The following ALK variants were observed in gnomAD, a reference collection of about 807,000 sequenced individuals.
The protein encoded by ALK is ALK receptor tyrosine kinase.
A neutral mutation model predicts 163.1 loss-of-function variants in ALK; 74 were observed. That is an observed-to-expected ratio of 0.45 (90% CI 0.38 to 0.55). ALK has a LOEUF of 0.55. Ranked by LOEUF, ALK falls within the 20% of genes least tolerant of loss-of-function variation. The pLI is 0.00. For synonymous variants in ALK, 960 were observed against 843.2 expected, an observed-to-expected ratio of 1.14 and a Z score of -2.40; for missense variants, 2,063 against 2,105.3, an observed-to-expected ratio of 0.98 and a Z score of 0.39.
At chr2:29,613,094 C>T (rs1418561261) in intron 3 of ALK, among the ~76,000 whole-genome samples, 1 of 152,114 alleles carries the variant, frequency 6.6e-6, no homozygotes, top group Non-Finnish European at 1.5e-5. Flanking sequence ...GAATTCTAGT[C>T]CTATTTACAT....
chr2:29,728,084 C>T (rs971897158), intron 1 of ALK, among the ~76,000 whole-genome samples: 1 of 152,028 alleles, frequency 6.6e-6, no homozygotes, highest in Non-Finnish European at 1.5e-5. Flanking sequence ...TGTTTTTGTT[C>T]TTTAAACCTT....
intron 5 of ALK, among the ~76,000 whole-genome samples, chr2:29,369,286 G>A (rs1286545537): frequency 6.6e-6 from 1 of 151,008 alleles, no homozygotes; most frequent in African/African-American, 2.4e-5. Flanking sequence ...TGCTGGTTGT[G>A]TGTGTGTGCA....
intron 4 of ALK, among the ~76,000 whole-genome samples, chr2:29,521,507 C>G (rs72794494): frequency 0.12 from 18,032 of 152,234 alleles, 1,437 homozygotes; most frequent in Non-Finnish European, 0.18. Context: ...CCCAAGGCTG[C>G]TATGGCTCTT....
chr2:29,297,345 C>A (rs1666222269), intron 8 of ALK, among the ~76,000 whole-genome samples: 1 of 152,184 alleles, frequency 6.6e-6, no homozygotes, highest in African/African-American at 2.4e-5. Flanking sequence ...CTACCTTTCA[C>A]AAGATTCTGC....
chr2:29,540,995 T>G (rs1375063800), intron 3 of ALK, among the ~76,000 whole-genome samples: 4 of 152,122 alleles, frequency 2.6e-5, no homozygotes, highest in African/African-American at 9.7e-5. Context: ...AAAAAAAAAG[T>G]AGTTTATAGA....
chr2:29,373,003 A>T (rs1015719014), intron 5 of ALK, among the ~76,000 whole-genome samples: 1 of 152,170 alleles, frequency 6.6e-6, no homozygotes, highest in African/African-American at 2.4e-5. Flanking sequence ...ATTTTTTTTA[A>T]GGAACGATTC....
chr2:29,198,106 T>C (rs1024837300), intron 26 of ALK, among the ~76,000 whole-genome samples: 1 of 152,254 alleles, frequency 6.6e-6, no homozygotes, highest in Non-Finnish European at 1.5e-5. Context: ...TTTCAAAATA[T>C]TTAAAATACT....
intron 4 of ALK, among the ~76,000 whole-genome samples, chr2:29,529,813 AAG>A (rs1207944720): frequency 6.6e-6 from 1 of 152,200 alleles, no homozygotes; most frequent in East Asian, 1.9e-4. Flanking sequence ...CAAAGCCATC[AAG>A]TCACTGAATT....
At chr2:29,506,609 G>T (rs1672331407) in intron 4 of ALK, among the ~76,000 whole-genome samples, 1 of 152,132 alleles carries the variant, frequency 6.6e-6, no homozygotes, top group African/African-American at 2.4e-5. Flanking sequence ...AGCCAGGCCT[G>T]GTGGTGGGTG....
chr2:29,416,814 C>G (rs11676341), intron 4 of ALK, among the ~76,000 whole-genome samples: 1 of 151,886 alleles, frequency 6.6e-6, no homozygotes, highest in South Asian at 2.1e-4. Flanking sequence ...CTTAACCAAG[C>G]TCTCTGAACT....
At chr2:29,753,049 A>T (rs951949020) in intron 1 of ALK, among the ~76,000 whole-genome samples, 8 of 152,164 alleles carry the variant, frequency 5.3e-5, no homozygotes, top group African/African-American at 1.9e-4. Context: ...CTAACTGTCT[A>T]CAAACTCAGA....
At chr2:29,806,237 T>C (rs1276124474) in intron 1 of ALK, among the ~76,000 whole-genome samples, 1 of 152,098 alleles carries the variant, frequency 6.6e-6, no homozygotes, top group African/African-American at 2.4e-5. Flanking sequence ...AATCACACGG[T>C]GTGCGTGTGT....
intron 3 of ALK, among the ~76,000 whole-genome samples, chr2:29,687,051 T>C (rs192435034): frequency 6.6e-6 from 1 of 152,088 alleles, no homozygotes; most frequent in African/African-American, 2.4e-5. Flanking sequence ...CGGGCAGAGA[T>C]AGAAGGCCAC....
In ALK at chr2:29,426,893, CTG is replaced by C. The variant is rs1670151668; in HGVS notation, c.1155-43036_1155-43035del. Among the ~76,000 whole-genome samples the C allele has an allele frequency of 2.0e-5, 3 of 151,708 alleles. No individual in the cohort carries two copies. In the East Asian group the frequency reaches 5.8e-4, roughly 29 times the overall value. On this transcript the variant is annotated intron_variant, in intron 4 of 28. Coordinates refer to ENST00000389048, the MANE Select transcript of ALK (RefSeq NM_004304.5). The stretch of plus-strand genomic sequence containing the variant: ...TCTCTACTAAAAATACAAAACTTAA[CTG>C]AGCATAGTGGGGTGCGCCTGTAGTC...
At chr2:29,466,330 C>T (rs936811836) in intron 4 of ALK, among the ~76,000 whole-genome samples, 2 of 152,142 alleles carry the variant, frequency 1.3e-5, no homozygotes, top group African/African-American at 4.8e-5. Flanking sequence ...ACCACATACA[C>T]ACACACACTA....
intron 3 of ALK, among the ~76,000 whole-genome samples, chr2:29,584,963 C>T (rs994616840): frequency 3.9e-5 from 6 of 152,172 alleles, no homozygotes; most frequent in South Asian, 2.1e-4. Context: ...GAAAGCACTT[C>T]GTGTGCTTTG....
At chr2:29,683,267 C>T (rs538506328) in intron 3 of ALK, among the ~76,000 whole-genome samples, 1 of 152,200 alleles carries the variant, frequency 6.6e-6, no homozygotes, top group South Asian at 2.1e-4. Flanking sequence ...GTCCCAGCTA[C>T]TTGGGAAGCT....
At chr2:29,525,528 A>G (rs1400723077) in intron 4 of ALK, among the ~76,000 whole-genome samples, 1 of 152,142 alleles carries the variant, frequency 6.6e-6, no homozygotes. Flanking sequence ...GCGGTGGCTC[A>G]TGCCTGTAAT....
chr2:29,358,657 T>C (rs1318364349), intron 5 of ALK, among the ~76,000 whole-genome samples: 1 of 152,224 alleles, frequency 6.6e-6, no homozygotes, highest in Non-Finnish European at 1.5e-5. Flanking sequence ...GGATTTACTC[T>C]GCCTGCAAAT....
Sources: allele counts gnomAD v4.1 joint callset (sites outside exome capture counted in the v4.1 genomes callset), GRCh38; gene constraint gnomAD v4.1.1; transcripts MANE v1.5; gene names NCBI Gene and HGNC (gene_info 2026-07-23, HGNC 2026-07-21).